The following IMMP2L variants were observed in gnomAD, a reference collection of about 807,000 sequenced individuals.
The protein encoded by IMMP2L is inner mitochondrial membrane peptidase subunit 2, also known as mitochondrial inner membrane protease subunit 2.
In IMMP2L, 18 loss-of-function variants were observed where a neutral mutation model predicts 19.3. The ratio of observed to expected loss-of-function variants is 0.93; its 90% CI spans 0.64 to 1.38. The LOEUF is 1.38. IMMP2L is among the 40% of genes most tolerant of loss of function. The pLI is 0.00. For missense variants in IMMP2L, 233 were observed against 218.2 expected (o/e 1.07, Z -0.43); for synonymous variants, 76 against 73.0 (o/e 1.04, Z -0.21).
At chr7:111,099,697 G>GT (rs531041503) in intron 3 of IMMP2L, among the ~76,000 whole-genome samples, 35 of 148,378 alleles carry the variant, frequency 2.4e-4, no homozygotes, top group Middle Eastern at 3.5e-3. Flanking sequence ...TCAAAATGAA[G>GT]TTTTTTTTTT....
intron 3 of IMMP2L, among the ~76,000 whole-genome samples, chr7:111,265,281 T>C (rs1244515093): frequency 6.6e-6 from 1 of 152,174 alleles, no homozygotes; most frequent in African/African-American, 2.4e-5. Context: ...GTTGGAAATG[T>C]ATTCTATTAA....
At chr7:111,162,201 C>A (rs1805342310) in intron 3 of IMMP2L, among the ~76,000 whole-genome samples, 1 of 151,918 alleles carries the variant, frequency 6.6e-6, no homozygotes, top group Non-Finnish European at 1.5e-5. Flanking sequence ...AAAATTATGT[C>A]TTTTACATCT....
intron 3 of IMMP2L, among the ~76,000 whole-genome samples, chr7:111,023,581 G>C (rs1349789208): frequency 6.6e-6 from 1 of 151,666 alleles, no homozygotes; most frequent in Non-Finnish European, 1.5e-5. Context: ...GTGGTAGCAG[G>C]CAACTGTAAT....
rs1254068066 is a variant in IMMP2L at position 111,509,412 on chromosome 7, T to C, written c.135+11901A>G. Among the ~76,000 whole-genome samples, 11 of 152,142 alleles carry C rather than the reference T, an allele frequency of 7.2e-5. 1 individual carries two copies. The highest frequency in any genetic ancestry group is 7.2e-4 in the Admixed American group (11 of 15,256). On this transcript the variant is annotated intron_variant, in intron 2 of 5. Coordinates refer to ENST00000405709, the MANE Select transcript of IMMP2L (RefSeq NM_032549.4). The stretch of plus-strand genomic sequence containing the variant: ...TTGAAGTGCTTATGACAAGCCCACA[T>C]TTAAAATTTCAGAATCAAAAGTTAA...
intron 3 of IMMP2L, among the ~76,000 whole-genome samples, chr7:111,026,929 C>A (rs532539310): frequency 5.9e-5 from 9 of 151,952 alleles, no homozygotes; most frequent in Non-Finnish European, 4.4e-5. Flanking sequence ...CTACCTGGGG[C>A]CTTACAAAAG....
At chr7:110,770,753 T>G (rs973720996) in intron 5 of IMMP2L, among the ~76,000 whole-genome samples, 1 of 152,200 alleles carries the variant, frequency 6.6e-6, no homozygotes, top group African/African-American at 2.4e-5. Flanking sequence ...GAAGTCTTCC[T>G]GAAGGCACTG....
At chr7:111,152,462 G>T (rs138256146) in intron 3 of IMMP2L, among the ~76,000 whole-genome samples, 1 of 152,098 alleles carries the variant, frequency 6.6e-6, no homozygotes. Flanking sequence ...CACTGCATTT[G>T]TTTATTTCTC....
chr7:111,145,870 T>C (rs915359169), intron 3 of IMMP2L, among the ~76,000 whole-genome samples: 2 of 152,084 alleles, frequency 1.3e-5, no homozygotes, highest in African/African-American at 4.8e-5. Flanking sequence ...ATTTGGCAAA[T>C]TGTGCTGTTA....
At chr7:110,901,586 TTC>T (rs1197950684) in intron 4 of IMMP2L, among the ~76,000 whole-genome samples, 1 of 152,198 alleles carries the variant, frequency 6.6e-6, no homozygotes, top group African/African-American at 2.4e-5. Flanking sequence ...ATTTCAGGAC[TTC>T]TTTTTATATT....
At chr7:110,678,043 C>T (rs755074753) in intron 5 of IMMP2L, among the ~76,000 whole-genome samples, 2 of 152,134 alleles carry the variant, frequency 1.3e-5, no homozygotes, top group African/African-American at 2.4e-5. Context: ...GGCCCTTGCA[C>T]CTAGGAATAT....
chr7:111,140,405 CA>C lies in IMMP2L; in HGVS notation c.240-176841del, dbSNP rs542070393. 1.2e-3 allele frequency among the ~76,000 whole-genome samples: 189 copies of C among 152,238 alleles called. 1 individual carries two copies. The highest frequency in any genetic ancestry group is 0.01 in the Middle Eastern group (3 of 294). ...GGACAAGATCATGTCTTCCTGAGCCCAGGTGCATCAATACTGGATATTTTCT... is the reference window on the plus strand; with the variant it reads ...GGACAAGATCATGTCTTCCTGAGCCCGGTGCATCAATACTGGATATTTTCT... On this transcript the variant is annotated intron_variant, in intron 3 of 5. Transcript: ENST00000405709.
chr7:111,102,083 T>TAA (rs879353268), intron 3 of IMMP2L, among the ~76,000 whole-genome samples: 1 of 145,302 alleles, frequency 6.9e-6, no homozygotes, highest in African/African-American at 2.5e-5. Flanking sequence ...TCAATTTCTT[T>TAA]AAAAAAAAAA....
intron 3 of IMMP2L, among the ~76,000 whole-genome samples, chr7:111,226,461 C>T (rs1181257125): frequency 2.0e-5 from 3 of 152,060 alleles, no homozygotes; most frequent in Non-Finnish European, 2.9e-5. Flanking sequence ...AGCCACCATG[C>T]CTGGCTGTTT....
intron 3 of IMMP2L, among the ~76,000 whole-genome samples, chr7:111,230,941 TG>T (rs1251038498): frequency 6.6e-6 from 1 of 151,682 alleles, no homozygotes; most frequent in Non-Finnish European, 1.5e-5. Flanking sequence ...AATGAATGGG[TG>T]CAAATTAATG....
intron 3 of IMMP2L, among the ~76,000 whole-genome samples, chr7:111,199,555 G>C (rs1259438500): frequency 3.3e-5 from 5 of 152,120 alleles, no homozygotes; most frequent in Non-Finnish European, 5.9e-5. Context: ...TTATTCTCCT[G>C]TAACAATGTT....
chr7:111,113,515 A>G (rs573497271), intron 3 of IMMP2L, among the ~76,000 whole-genome samples: 1 of 152,210 alleles, frequency 6.6e-6, no homozygotes, highest in African/African-American at 2.4e-5. Flanking sequence ...AGCTGCAATC[A>G]CTTCATTTAT....
intron 5 of IMMP2L, among the ~76,000 whole-genome samples, chr7:110,706,130 T>G (rs140029050): frequency 6.6e-6 from 1 of 151,984 alleles, no homozygotes; most frequent in African/African-American, 2.4e-5. Flanking sequence ...AGAGATGGGG[T>G]CTTACTCTGT....
intron 3 of IMMP2L, among the ~76,000 whole-genome samples, chr7:111,143,777 C>T (rs562910550): frequency 6.6e-6 from 1 of 152,208 alleles, no homozygotes; most frequent in Non-Finnish European, 1.5e-5. Context: ...ATTTATTGTG[C>T]TATCTACGTG....
chr7:111,553,744 T>C (rs1418661125), intron 1 of IMMP2L, among the ~76,000 whole-genome samples: 2 of 152,136 alleles, frequency 1.3e-5, no homozygotes. Context: ...AAATATATCA[T>C]CAAAATGCTC....
Sources: allele counts gnomAD v4.1 joint callset (sites outside exome capture counted in the v4.1 genomes callset), GRCh38; gene constraint gnomAD v4.1.1; transcripts MANE v1.5; gene names NCBI Gene and HGNC (gene_info 2026-07-23, HGNC 2026-07-21).